Variants in CEBPZ observed in about 807,000 individuals in gnomAD.
The protein encoded by CEBPZ is CCAAT enhancer binding protein zeta.
Under a neutral mutation model 104.5 loss-of-function variants are expected in CEBPZ, and 78 were observed. The observed-to-expected ratio is 0.75, with a 90% CI of 0.62 to 0.90. CEBPZ has a LOEUF of 0.90. Ranked by LOEUF, CEBPZ falls within the 40% of genes least tolerant of loss-of-function variation. The pLI, the probability that CEBPZ is intolerant of heterozygous loss-of-function variation, is 0.00. For missense variants in CEBPZ, 1,439 were observed against 1,233.5 expected (o/e 1.17, Z -2.50); for synonymous variants, 470 against 427.0 (o/e 1.10, Z -1.24).
In CEBPZ at chr2:37,212,375, TATC is replaced by T. The variant is rs1677749890; in HGVS notation, c.2560_2562del (p.Asp854del). 3.1e-6 allele frequency: 5 copies of T among 1,613,374 alleles called. No individual in the cohort carries two copies. The highest frequency in any genetic ancestry group is 1.3e-5 in the African/African-American group (1 of 74,918). ...TCATCCTTTCCAGAGCTGAAACAGT[TATC>T]ATCTTCAAATGTGTCTGCCAGACAA... is the stretch of plus-strand genomic sequence containing the variant. On this transcript the variant is annotated inframe_deletion, in exon 11 of 16. Coordinates refer to ENST00000234170, the MANE Select transcript of CEBPZ (RefSeq NM_005760.3).
chr2:37,212,410 A>T lies in CEBPZ; in HGVS notation c.2546-18T>A. ...AAATGTGTCTGCCAGACAATACAGA[A>T]ATGTGAGATACAACAAAGAATGACA... On this transcript the variant is annotated intron_variant, in intron 10 of 15. Coordinates refer to ENST00000234170, the MANE Select transcript of CEBPZ (RefSeq NM_005760.3). The T allele has an allele frequency of 6.3e-7, 1 of 1,599,480 alleles. No homozygotes were observed. Among genetic ancestry groups the T allele is most frequent in the Non-Finnish European group, 8.6e-7 (1 of 1,167,860 alleles).
intron 15 of CEBPZ, 118 bp from the exon 16 acceptor site, chr2:37,202,021 C>T: frequency 3.7e-6 from 3 of 809,104 alleles, no homozygotes; most frequent in Non-Finnish European, 5.8e-6. Context: ...GGTTTCCCAC[C>T]CACTATACAA....
At chr2:37,205,592 C>T (rs1328432034) in intron 13 of CEBPZ, among the ~76,000 whole-genome samples, 1 of 152,202 alleles carries the variant, frequency 6.6e-6, no homozygotes, top group African/African-American at 2.4e-5. Flanking sequence ...CCTTGTTGCT[C>T]ATGCAAAGCC....
intron 13 of CEBPZ, among the ~76,000 whole-genome samples, chr2:37,207,932 T>G (rs999154991): frequency 1.3e-5 from 2 of 151,676 alleles, no homozygotes; most frequent in South Asian, 2.1e-4. Context: ...AGAGAGAAGA[T>G]CTGAATAAGC....
In CEBPZ at chr2:37,203,017, A is replaced by G. The variant is rs780745665; in HGVS notation, c.2885-9T>C. On this transcript the variant is annotated splice_polypyrimidine_tract_variant and intron_variant, in intron 13 of 15. Transcript: ENST00000234170. ...TTTCTTTTTTCTTGGCCCTAAAAAA[A>G]ATTGTAAGTCTACATTATTCAATTA... is the stretch of plus-strand genomic sequence containing the variant. 3.3e-6 allele frequency: 5 copies of G among 1,520,570 alleles called. No homozygotes were observed. The highest frequency in any genetic ancestry group is 4.4e-6 in the Non-Finnish European group (5 of 1,130,154). 94.2% of individuals were successfully genotyped at this position (1,520,570 alleles called of 1,614,324 possible).
chr2:37,202,568 A>G (rs1677306524), intron 15 of CEBPZ: 3 of 372,902 alleles, frequency 8.0e-6, no homozygotes, highest in South Asian at 4.0e-5. Context: ...TTACTTGAAC[A>G]TGGGAGATGG....
chr2:37,230,391 T>C (rs1665029498), intron 1 of CEBPZ, among the ~76,000 whole-genome samples: 1 of 152,212 alleles, frequency 6.6e-6, no homozygotes. Context: ...GGGCAATGGT[T>C]ATGGCTGAGA....
intron 2 of CEBPZ, among the ~76,000 whole-genome samples, chr2:37,226,622 T>A (rs1664893397): frequency 6.6e-5 from 10 of 152,122 alleles, no homozygotes. Flanking sequence ...TTAGTGGGGA[T>A]CAAGTAATTT....
intron 5 of CEBPZ, 53 bp from the exon 6 acceptor site, chr2:37,217,090 C>CAA: frequency 6.9e-7 from 1 of 1,442,772 alleles, no homozygotes; most frequent in South Asian, 1.2e-5. Context: ...ACTCTTAGTA[C>CAA]ATTTATAGCT....
chr2:37,211,999 A>T lies in CEBPZ; in HGVS notation c.2644T>A (p.Leu882Ile). The change falls in exon 12 of 16, where the codon TTA becomes ATA. Residue 882 changes from leucine (L) to isoleucine (I), a missense_variant. Transcript: ENST00000234170. ...KRTKGAKDNT[L>I]DEDSEGSDDE... ...TCACTACCTTCTGAATCTTCATCTA[A>T]TGTGTTATCCTTAGCTCCTTTTGTT... 6.2e-7 allele frequency: 1 copy of T among 1,610,096 alleles called. No homozygotes were observed.
rs1664618489 is a variant in CEBPZ at position 37,217,092 on chromosome 2, T to C, written c.2155-55A>G. 17 of 1,441,406 alleles carry C rather than the reference T, an allele frequency of 1.2e-5. No homozygotes were observed. The South Asian group carries it at 1.3e-4, about 11-fold the overall frequency. The allele number at this position is 1,441,406 out of a possible 1,614,324, so 89.3% of individuals were successfully genotyped here. ...ATTTCTAAGGTCGACTCTTAGTACATTTATAGCTTATTTAAGAAAATCGGG... is the reference window on the plus strand; with the variant it reads ...ATTTCTAAGGTCGACTCTTAGTACACTTATAGCTTATTTAAGAAAATCGGG... On this transcript the variant is annotated intron_variant, in intron 5 of 15. Transcript: ENST00000234170.
Position 37,211,963 on chromosome 2 carries a change from C to G in CEBPZ, c.2680G>C (p.Gly894Arg). The change falls in exon 12 of 16, where the codon GGT becomes CGT. Residue 894 changes from glycine (G) to arginine (R), a missense_variant. By Grantham distance (125) the Gly-to-Arg change is moderately radical (BLOSUM62 -2). Coordinates refer to ENST00000234170, the MANE Select transcript of CEBPZ (RefSeq NM_005760.3). ...EDSEGSDDELGNLDDDEVSLG... is the reference protein window; with the variant it reads ...EDSEGSDDELRNLDDDEVSLG... The stretch of plus-strand genomic sequence containing the variant: ...GAAACTTCATCGTCATCCAGGTTAC[C>G]AAGTTCATCATCACTACCTTCTGAA... The G allele has an allele frequency of 1.2e-6, 2 of 1,613,638 alleles. No individual in the cohort carries two copies. The highest frequency in any genetic ancestry group is 2.2e-5 in the East Asian group (1 of 44,836).
At chr2:37,222,668 G>T in intron 3 of CEBPZ, 105 bp from the exon 4 acceptor site, 1 of 722,964 alleles carries the variant, frequency 1.4e-6, no homozygotes, top group Non-Finnish European at 2.1e-6. Flanking sequence ...CAACTCTGGT[G>T]AAACGTGAAA....
In CEBPZ at chr2:37,231,542, T is replaced by G; in HGVS notation, c.26A>C (p.Glu9Ala). MAAVKEPLEFHAKRPWRPE... is the reference protein window; with the variant it reads MAAVKEPLAFHAKRPWRPE... ...GCGCCAAGGCCGCTTGGCATGGAACTCCAAAGGCTCCTTGACTGCGGCCAT... is the reference window on the plus strand; with the variant it reads ...GCGCCAAGGCCGCTTGGCATGGAACGCCAAAGGCTCCTTGACTGCGGCCAT... Residue 9 changes from glutamate to alanine, a missense_variant, in exon 1 of 16, where the codon GAG becomes GCG. Transcript: ENST00000234170. The G allele has an allele frequency of 1.1e-5, 18 of 1,614,206 alleles. No individual in the cohort carries two copies. The highest frequency in any genetic ancestry group is 1.5e-5 in the Non-Finnish European group (18 of 1,180,026).
At position 37,231,571 on chromosome 2, in the gene CEBPZ, G is replaced by T. The variant is rs762939517; in HGVS notation, c.-4C>A. On this transcript the variant is annotated 5_prime_UTR_variant, in exon 1 of 16. Transcript: ENST00000234170. ...AAGGCTCCTTGACTGCGGCCATGGC[G>T]GGCAAAGCATACGCGCGTGAAACTC... is the stretch of plus-strand genomic sequence containing the variant. 6.2e-7 allele frequency: 1 copy of T among 1,614,220 alleles called. No homozygotes were observed. The highest frequency in any genetic ancestry group is 8.5e-7 in the Non-Finnish European group (1 of 1,180,046).
chr2:37,227,738 G>T lies in CEBPZ; in HGVS notation c.1455C>A (p.Ala485=). 1 of 1,613,876 alleles carries T rather than the reference G, an allele frequency of 6.2e-7. No homozygotes were observed. The change falls in exon 2 of 16, where the codon GCC becomes GCA. Residue 485 remains alanine (A), a synonymous_variant. Transcript: ENST00000234170. ...ATGCCCTATTCACACCTGTTAAAAG[G>T]GCGCTAAGCATTTTTGATTCAACAT... The part of the protein sequence containing the change: ...KKDVESKMLS[A]LLTGVNRAYP...
rs1180450295 is a variant in CEBPZ, at chr2:37,231,563, G to T, written c.5C>A (p.Ala2Asp). 6.2e-7 allele frequency: 1 copy of T among 1,614,100 alleles called. No individual in the cohort carries two copies. Among genetic ancestry groups the T allele is most frequent in the Non-Finnish European group, 8.5e-7 (1 of 1,180,048 alleles). The change falls in exon 1 of 16, where the codon GCC (alanine) becomes GAC (aspartate). Residue 2 changes from alanine to aspartate, a missense_variant. Coordinates refer to ENST00000234170, the MANE Select transcript of CEBPZ (RefSeq NM_005760.3). ...GAACTCCAAAGGCTCCTTGACTGCGGCCATGGCGGGCAAAGCATACGCGCG... is the reference window on the plus strand; with the variant it reads ...GAACTCCAAAGGCTCCTTGACTGCGTCCATGGCGGGCAAAGCATACGCGCG... M[A>D]AVKEPLEFHA...
At chr2:37,202,029 CA>C in intron 15 of CEBPZ, 126 bp from the exon 16 acceptor site, 2 of 648,602 alleles carry the variant, frequency 3.1e-6, no homozygotes, top group South Asian at 6.2e-5. Flanking sequence ...ACCCACTATA[CA>C]AACCCACTGC....
intron 13 of CEBPZ, among the ~76,000 whole-genome samples, chr2:37,208,661 CTATGATAAACCCATAGCCAACAT>C (rs1677617679): frequency 6.6e-6 from 1 of 152,108 alleles, no homozygotes; most frequent in South Asian, 2.1e-4. Flanking sequence ...TGAAAGCCAT[CTATGATAAACCCATAGCCAACAT>C]TATACTGAAC....
Sources: gnomAD v4.1 joint callset for allele counts (sites outside exome capture counted in the v4.1 genomes callset) on GRCh38, gnomAD v4.1.1 for gene constraint, MANE v1.5 for transcripts, NCBI Gene and HGNC (gene_info 2026-07-23, HGNC 2026-07-21) for gene names.